CFAP299: variants seen among roughly 807,000 people sequenced by gnomAD.
CFAP299 encodes cilia and flagella associated protein 299, also known as cilia- and flagella-associated protein 299.
In CFAP299, 21 loss-of-function variants were observed where a neutral mutation model predicts 27.0. That is an observed-to-expected ratio of 0.78 (90% confidence interval 0.55 to 1.12). The LOEUF (loss-of-function observed/expected upper bound fraction) is 1.12, where lower values mean the gene tolerates loss of function less well. Ranked by LOEUF, CFAP299 falls within the 50% of genes most tolerant of loss-of-function variation. The pLI, the probability that CFAP299 is intolerant of heterozygous loss-of-function variation, is 0.00. For missense variants in CFAP299, 310 were observed against 276.6 expected (o/e 1.12, Z -0.86); for synonymous variants, 104 against 98.1 (o/e 1.06, Z -0.36).
chr4:80,685,847 G>C (rs1270160932), intron 3 of CFAP299, among the ~76,000 whole-genome samples: 1 of 152,072 alleles, frequency 6.6e-6, no homozygotes, highest in Non-Finnish European at 1.5e-5. Flanking sequence ...TCATTTGAGA[G>C]AAACATATTG....
intron 4 of CFAP299, among the ~76,000 whole-genome samples, chr4:80,943,024 G>A (rs1737277797): frequency 6.6e-6 from 1 of 152,128 alleles, no homozygotes. Flanking sequence ...TCCACTGGGG[G>A]GCTGAGCCTG....
At chr4:80,495,683 A>G (rs1234369656) in intron 2 of CFAP299, among the ~76,000 whole-genome samples, 1 of 152,204 alleles carries the variant, frequency 6.6e-6, no homozygotes, top group Non-Finnish European at 1.5e-5. Context: ...CTATTCTCAC[A>G]TTGCTATAAA....
intron 3 of CFAP299, among the ~76,000 whole-genome samples, chr4:80,784,549 C>T (rs892446164): frequency 2.0e-5 from 3 of 151,402 alleles, no homozygotes; most frequent in Non-Finnish European, 4.4e-5. Context: ...CGGAGTTTCG[C>T]TCTTGTTGCC....
At chr4:80,626,188 G>A (rs1323166049) in intron 3 of CFAP299, among the ~76,000 whole-genome samples, 2 of 151,918 alleles carry the variant, frequency 1.3e-5, no homozygotes, top group South Asian at 4.1e-4. Context: ...ATCATATCAA[G>A]TAGCTATTCT....
At position 80,851,114 on chromosome 4, in the gene CFAP299, A is replaced by G. The variant is rs145525785; in HGVS notation, c.334-18879A>G. 3.7e-3 allele frequency among the ~76,000 whole-genome samples: 567 copies of G among 152,244 alleles called. 2 individuals carry two copies. Among genetic ancestry groups the G allele is most frequent in the African/African-American group, 0.013 (529 of 41,566 alleles). ...ACACAGACAATTTTAAAAATCAAGG[A>G]AAAACCTCAAAACTGGAGATAAACG... is the stretch of plus-strand genomic sequence containing the variant. On this transcript the variant is annotated intron_variant, in intron 3 of 5. Coordinates refer to ENST00000358105, the MANE Select transcript of CFAP299 (RefSeq NM_152770.3).
intron 3 of CFAP299, among the ~76,000 whole-genome samples, chr4:80,635,634 A>G (rs1375751054): frequency 2.6e-5 from 4 of 152,186 alleles, no homozygotes; most frequent in Middle Eastern, 3.2e-3. Flanking sequence ...TGGAATTAAA[A>G]TTAATAAGAG....
intron 3 of CFAP299, among the ~76,000 whole-genome samples, chr4:80,741,748 CA>C (rs1232308725): frequency 2.6e-5 from 4 of 152,124 alleles, no homozygotes; most frequent in African/African-American, 9.7e-5. Flanking sequence ...GCCAGTGTAG[CA>C]CAAGGAATTG....
intron 2 of CFAP299, among the ~76,000 whole-genome samples, chr4:80,495,463 A>G (rs778175444): frequency 6.6e-6 from 1 of 152,134 alleles, no homozygotes; most frequent in African/African-American, 2.4e-5. Flanking sequence ...GGTTTTTTAA[A>G]TTTTCTACTT....
chr4:80,323,483 C>T, the CFAP299 span, among the ~76,000 whole-genome samples: 5 of 152,062 alleles, frequency 3.3e-5, no homozygotes, highest in Admixed American at 3.3e-4. Flanking sequence ...TGAATATTAG[C>T]TTTTCAAAAA....
chr4:80,600,144 G>A (rs1177297457), intron 3 of CFAP299, among the ~76,000 whole-genome samples: 1 of 152,074 alleles, frequency 6.6e-6, no homozygotes, highest in African/African-American at 2.4e-5. Context: ...ATTTTTGAAA[G>A]AATGAGTTAG....
intron 2 of CFAP299, among the ~76,000 whole-genome samples, chr4:80,431,973 A>G (rs1727838351): frequency 6.6e-6 from 1 of 152,196 alleles, no homozygotes; most frequent in African/African-American, 2.4e-5. Context: ...TGTCAGCTCT[A>G]TAAGGATAGG....
At chr4:80,417,117 A>T (rs1727054996) in intron 2 of CFAP299, among the ~76,000 whole-genome samples, 1 of 152,202 alleles carries the variant, frequency 6.6e-6, no homozygotes, top group African/African-American at 2.4e-5. Context: ...CCCAGAACTG[A>T]GAGTTTCTCA....
intron 3 of CFAP299, among the ~76,000 whole-genome samples, chr4:80,675,182 T>A (rs1459191083): frequency 6.6e-6 from 1 of 152,236 alleles, no homozygotes; most frequent in East Asian, 1.9e-4. Flanking sequence ...TGGTCTTTGA[T>A]GCTGATGCCT....
intron 3 of CFAP299, among the ~76,000 whole-genome samples, chr4:80,690,709 G>T (rs1720609201): frequency 6.6e-6 from 1 of 152,182 alleles, no homozygotes; most frequent in African/African-American, 2.4e-5. Flanking sequence ...AGAACTGAAA[G>T]AAATAGAGAC....
chr4:80,323,114 A>G, the CFAP299 span, among the ~76,000 whole-genome samples: 1 of 152,244 alleles, frequency 6.6e-6, no homozygotes, highest in South Asian at 2.1e-4. Flanking sequence ...TGGAAGAATG[A>G]CAAATTTCAC....
chr4:80,918,963 G>T (rs1223725120), intron 4 of CFAP299, among the ~76,000 whole-genome samples: 3 of 152,072 alleles, frequency 2.0e-5, no homozygotes, highest in African/African-American at 7.2e-5. Flanking sequence ...TGGCTGAGAT[G>T]TCCAGCAGAA....
chr4:80,468,489 G>T (rs1729822290), intron 2 of CFAP299, among the ~76,000 whole-genome samples: 1 of 152,000 alleles, frequency 6.6e-6, no homozygotes, highest in Non-Finnish European at 1.5e-5. Context: ...CTCCCGAAGT[G>T]CTGGGATTAT....
At chr4:80,438,947 T>G (rs1020032417) in intron 2 of CFAP299, among the ~76,000 whole-genome samples, 1 of 152,216 alleles carries the variant, frequency 6.6e-6, no homozygotes, top group African/African-American at 2.4e-5. Flanking sequence ...CAATGGTTAT[T>G]TCAAATAGAA....
Position 80,358,603 on chromosome 4 carries a change from T to G in CFAP299, c.112-4151T>G, listed in dbSNP as rs530172499. On this transcript the variant is annotated intron_variant, in intron 1 of 5. Transcript: ENST00000358105. ...TGCCCTTCTTTGTCTTTTTTTAATC[T>G]TTGTTGGTTTAGAGTCTGTTTTGTC... Among the ~76,000 whole-genome samples the G allele has an allele frequency of 4.6e-5, 7 of 152,338 alleles. No individual in the cohort carries two copies. In the South Asian group the frequency reaches 1.5e-3, roughly 32 times the overall value.
Sources: allele counts gnomAD v4.1 joint callset (sites outside exome capture counted in the v4.1 genomes callset), GRCh38; gene constraint gnomAD v4.1.1; transcripts MANE v1.5; gene names NCBI Gene and HGNC (gene_info 2026-07-23, HGNC 2026-07-21).